DCDC1: variants seen among roughly 807,000 people sequenced by gnomAD.
DCDC1 encodes the protein doublecortin domain containing 1, also known as doublecortin domain-containing protein 1.
In DCDC1, 200 loss-of-function variants were observed where a neutral mutation model predicts 178.3. The ratio of observed to expected loss-of-function variants is 1.12; its 90% CI spans 1.00 to 1.26. DCDC1 has a LOEUF of 1.26. DCDC1 is among the 50% of genes most tolerant of loss of function. DCDC1 has a pLI of 0.00. For missense variants in DCDC1, 1,983 were observed against 1,749.2 expected (o/e 1.13, Z -2.38); for synonymous variants, 690 against 604.8 (o/e 1.14, Z -2.07).
intron 20 of DCDC1, among the ~76,000 whole-genome samples, chr11:30,984,781 C>T (rs1422188548): frequency 2.0e-5 from 3 of 152,174 alleles, no homozygotes; most frequent in Non-Finnish European, 2.9e-5. Context: ...GCCTGTCTCT[C>T]ATAGAAGTAA....
chr11:31,243,380 A>G (rs957000013), intron 8 of DCDC1, among the ~76,000 whole-genome samples: 1 of 151,764 alleles, frequency 6.6e-6, no homozygotes, highest in African/African-American at 2.4e-5. Context: ...TACTTTTTGA[A>G]CATTGAAAGG....
At chr11:30,894,777 T>TC (rs1944070343) in intron 34 of DCDC1, among the ~76,000 whole-genome samples, 1 of 152,264 alleles carries the variant, frequency 6.6e-6, no homozygotes, top group East Asian at 1.9e-4. Context: ...AATAAGCCTT[T>TC]CCCCCACAAT....
chr11:31,217,534 G>C (rs527927825), intron 9 of DCDC1, among the ~76,000 whole-genome samples: 140 of 152,052 alleles, frequency 9.2e-4, no homozygotes, highest in Non-Finnish European at 1.4e-3. Flanking sequence ...AAAACTAGAA[G>C]CACCTCTGTA....
intron 11 of DCDC1, among the ~76,000 whole-genome samples, chr11:31,122,563 T>A (rs1960972312): frequency 6.6e-6 from 1 of 152,120 alleles, no homozygotes; most frequent in African/African-American, 2.4e-5. Flanking sequence ...TAATACTTTT[T>A]ATTGTAAATT....
intron 15 of DCDC1, among the ~76,000 whole-genome samples, chr11:31,099,300 A>C (rs1250514011): frequency 6.6e-6 from 1 of 152,188 alleles, no homozygotes; most frequent in African/African-American, 2.4e-5. Flanking sequence ...CCAATCTAGC[A>C]GGGAGGATAA....
chr11:31,028,390 T>C (rs1313650000), intron 20 of DCDC1, among the ~76,000 whole-genome samples: 1 of 151,956 alleles, frequency 6.6e-6, no homozygotes, highest in Non-Finnish European at 1.5e-5. Flanking sequence ...GTCATATTTG[T>C]CAGTATCATT....
At chr11:31,243,824 G>A (rs1481827031) in intron 8 of DCDC1, among the ~76,000 whole-genome samples, 1 of 151,692 alleles carries the variant, frequency 6.6e-6, no homozygotes, top group African/African-American at 2.4e-5. Flanking sequence ...TTTTATAAGG[G>A]ACTTCAGAAT....
chr11:31,091,499 G>C lies in DCDC1; in HGVS notation c.2131C>G (p.Leu711Val). ...CAGCCCTGAGTTATCGCTCGGCTCA[G>C]GATCATTCCAGTCTTCCAATGAATA... ...VWLITKTGMI[L>V]SRAITQGCLA... Residue 711 changes from leucine (L) to valine (V), a missense_variant, in exon 17 of 39, where the codon CTG becomes GTG. Transcript: ENST00000684477. 1 of 753,308 alleles carries C rather than the reference G, an allele frequency of 1.3e-6. No homozygotes were observed. The highest frequency in any genetic ancestry group is 2.4e-6 in the Non-Finnish European group (1 of 411,190). 46.7% of individuals were successfully genotyped at this position (753,308 alleles called of 1,614,324 possible). A position where few individuals can be genotyped will look rare whatever the true frequency, so the allele number is the denominator to read the frequency against.
chr11:31,034,496 C>A lies in DCDC1; in HGVS notation c.2591+29973G>T, dbSNP rs1176700674. On this transcript the variant is annotated intron_variant, in intron 20 of 38. Transcript: ENST00000684477. ...CATGGTAAGTGACTTATACAGGTGTCTCATTTTTCTTATCTTTTATGCCAT... is the reference window on the plus strand; with the variant it reads ...CATGGTAAGTGACTTATACAGGTGTATCATTTTTCTTATCTTTTATGCCAT... 3.3e-5 allele frequency among the ~76,000 whole-genome samples: 5 copies of A among 152,236 alleles called. No homozygotes were observed. The South Asian group carries it at 6.2e-4, about 19-fold the overall frequency.
chr11:31,000,341 T>G (rs2135019153), intron 20 of DCDC1, among the ~76,000 whole-genome samples: 1 of 152,292 alleles, frequency 6.6e-6, no homozygotes, highest in Admixed American at 6.5e-5. Flanking sequence ...TTTAAGCAAT[T>G]ATCAGGGCTG....
intron 3 of DCDC1, among the ~76,000 whole-genome samples, chr11:31,323,403 T>C (rs1035199351): frequency 2.0e-5 from 3 of 152,234 alleles, no homozygotes; most frequent in Admixed American, 6.5e-5. Context: ...CCATAGAATT[T>C]TTATGGATAG....
chr11:30,903,821 G>T, intron 31 of DCDC1, 138 bp from the exon 32 acceptor site: 1 of 741,290 alleles, frequency 1.3e-6, no homozygotes, highest in Non-Finnish European at 2.0e-6. Context: ...TACTAATGAT[G>T]CTGATCTTTG....
chr11:30,946,521 A>G (rs1204527278), intron 21 of DCDC1, among the ~76,000 whole-genome samples: 1 of 152,206 alleles, frequency 6.6e-6, no homozygotes. Flanking sequence ...TTGCTTCACT[A>G]AAGTCTAAGT....
intron 20 of DCDC1, among the ~76,000 whole-genome samples, chr11:30,953,276 A>G (rs1948541307): frequency 1.3e-5 from 2 of 148,450 alleles, no homozygotes; most frequent in South Asian, 4.2e-4. Flanking sequence ...TACATTATAT[A>G]TAAGTATTAT....
chr11:31,357,271 G>T (rs1046735372), intron 1 of DCDC1, among the ~76,000 whole-genome samples: 8 of 151,568 alleles, frequency 5.3e-5, no homozygotes, highest in African/African-American at 1.9e-4. Context: ...TGGGATGCAA[G>T]GCTGGTTCAA....
chr11:31,016,434 A>G (rs1952490779), intron 20 of DCDC1, among the ~76,000 whole-genome samples: 1 of 152,222 alleles, frequency 6.6e-6, no homozygotes, highest in African/African-American at 2.4e-5. Context: ...TGACATATAT[A>G]AAAGCAGGTA....
At chr11:30,867,228 T>C (rs1050291850) in intron 38 of DCDC1, among the ~76,000 whole-genome samples, 2 of 152,178 alleles carry the variant, frequency 1.3e-5, no homozygotes, top group Non-Finnish European at 2.9e-5. Flanking sequence ...CACTGAAAAC[T>C]TACAAGGGGT....
intron 9 of DCDC1, among the ~76,000 whole-genome samples, chr11:31,162,518 C>T (rs1464667443): frequency 6.6e-6 from 1 of 151,976 alleles, no homozygotes; most frequent in African/African-American, 2.4e-5. Context: ...ATTTGTTATT[C>T]AAAATTGTAT....
chr11:31,225,137 A>G (rs1974755767), intron 9 of DCDC1, among the ~76,000 whole-genome samples: 1 of 152,178 alleles, frequency 6.6e-6, no homozygotes, highest in African/African-American at 2.4e-5. Context: ...ACAAGTGGCT[A>G]AAGAAAATGT....
Sources: allele counts gnomAD v4.1 joint callset (sites outside exome capture counted in the v4.1 genomes callset), GRCh38; gene constraint gnomAD v4.1.1; transcripts MANE v1.5; gene names NCBI Gene and HGNC (gene_info 2026-07-23, HGNC 2026-07-21).